The following DCC variants were observed in gnomAD, a reference collection of about 807,000 sequenced individuals.
The protein encoded by DCC is DCC netrin 1 receptor.
A neutral mutation model predicts 172.5 loss-of-function variants in DCC; 58 were observed. That is an observed-to-expected ratio of 0.34 (90% CI 0.27 to 0.42). DCC has a LOEUF of 0.42. DCC is among the 10% of genes least tolerant of loss of function. The pLI is 1.00. For missense variants in DCC, 1,740 were observed against 1,791.0 expected, an observed-to-expected ratio of 0.97 and a Z score of 0.51; for synonymous variants, 709 against 644.5, an observed-to-expected ratio of 1.10 and a Z score of -1.52.
chr18:53,102,465 G>A (rs1005677167), intron 7 of DCC, among the ~76,000 whole-genome samples: 1 of 152,056 alleles, frequency 6.6e-6, no homozygotes, highest in African/African-American at 2.4e-5. Flanking sequence ...CTGCAAGGGT[G>A]TCTATATTAT....
intron 21 of DCC, among the ~76,000 whole-genome samples, chr18:53,424,491 C>G (rs1046759495): frequency 4.6e-5 from 7 of 152,112 alleles, no homozygotes; most frequent in African/African-American, 1.7e-4. Context: ...ATGAAAAATA[C>G]AAAATGCCAA....
intron 2 of DCC, among the ~76,000 whole-genome samples, chr18:52,874,501 G>T (rs1417601876): frequency 2.0e-5 from 3 of 151,958 alleles, no homozygotes; most frequent in Non-Finnish European, 2.9e-5. Flanking sequence ...TTATTCTCAG[G>T]CTTTATACTT....
At chr18:52,499,441 C>A (rs2030937115) in intron 1 of DCC, among the ~76,000 whole-genome samples, 1 of 152,118 alleles carries the variant, frequency 6.6e-6, no homozygotes, top group Admixed American at 6.6e-5. Flanking sequence ...TAGTATCAGG[C>A]ACTTAGAAGT....
At chr18:52,398,956 A>G (rs770819568) in intron 1 of DCC, among the ~76,000 whole-genome samples, 18 of 151,992 alleles carry the variant, frequency 1.2e-4, no homozygotes, top group Non-Finnish European at 1.9e-4. Flanking sequence ...TCAAAAACCT[A>G]TGGAAATAAA....
At chr18:52,899,196 C>G (rs1240863587) in intron 2 of DCC, among the ~76,000 whole-genome samples, 1 of 152,072 alleles carries the variant, frequency 6.6e-6, no homozygotes. Context: ...GCCACCCAGG[C>G]TGGAGTGCAG....
At position 52,789,067 on chromosome 18, in the gene DCC, C is replaced by T. The variant is rs186547500; in HGVS notation, c.412+36693C>T. On this transcript the variant is annotated intron_variant, in intron 2 of 28. Coordinates refer to ENST00000442544, the MANE Select transcript of DCC (RefSeq NM_005215.4). ...AGAGTTAACTATCCTTCCGTAACTA[C>T]GATTAGACATCCCTTAAAGTATGTT... Among the ~76,000 whole-genome samples the T allele has an allele frequency of 6.8e-4, 104 of 152,178 alleles. 2 individuals are homozygous for T. Among genetic ancestry groups the T allele is most frequent in the Admixed American group, 4.2e-3 (64 of 15,276 alleles).
chr18:53,085,640 G>C (rs56291441), intron 7 of DCC, among the ~76,000 whole-genome samples: 1 of 151,832 alleles, frequency 6.6e-6, no homozygotes, highest in Non-Finnish European at 1.5e-5. Context: ...CTATGTTACA[G>C]GGCTGACTTC....
At chr18:53,100,909 C>T (rs1445454412) in intron 7 of DCC, among the ~76,000 whole-genome samples, 1 of 152,098 alleles carries the variant, frequency 6.6e-6, no homozygotes, top group Non-Finnish European at 1.5e-5. Flanking sequence ...AAGATAACCA[C>T]ACAGAGCATA....
chr18:53,118,526 T>C (rs978726402), intron 7 of DCC, among the ~76,000 whole-genome samples: 13 of 151,786 alleles, frequency 8.6e-5, no homozygotes, highest in African/African-American at 2.4e-4. Flanking sequence ...CCAACACTTA[T>C]ATTCATTCCT....
chr18:52,466,024 T>C (rs1418029110), intron 1 of DCC, among the ~76,000 whole-genome samples: 1 of 152,202 alleles, frequency 6.6e-6, no homozygotes, highest in Non-Finnish European at 1.5e-5. Flanking sequence ...AGTTCAATGC[T>C]GGTTGATAAA....
At chr18:52,986,532 CTCT>C (rs905697156) in intron 5 of DCC, among the ~76,000 whole-genome samples, 13 of 152,092 alleles carry the variant, frequency 8.5e-5, no homozygotes, top group South Asian at 6.2e-4. Context: ...AAATATGTTC[CTCT>C]TCTTCTTCTC....
intron 15 of DCC, among the ~76,000 whole-genome samples, chr18:53,379,071 T>C (rs896778506): frequency 6.6e-6 from 1 of 152,196 alleles, no homozygotes; most frequent in African/African-American, 2.4e-5. Flanking sequence ...CTACATTTAA[T>C]TAAACAGTTT....
Position 52,778,423 on chromosome 18 carries a change from C to T in DCC, c.412+26049C>T, listed in dbSNP as rs114723350. Among the ~76,000 whole-genome samples, 1,120 of 152,024 alleles carry T rather than the reference C, an allele frequency of 7.4e-3. 14 individuals carry two copies. The highest frequency in any genetic ancestry group is 0.025 in the African/African-American group (1,056 of 41,476). On this transcript the variant is annotated intron_variant, in intron 2 of 28. Transcript: ENST00000442544. ...TATTTCACTATTAAACTCTGTGAAC[C>T]GTTAACATTTTTTTCCAGGCATTGG...
chr18:53,378,987 G>T (rs17504520), intron 15 of DCC, among the ~76,000 whole-genome samples: 65,398 of 152,134 alleles, frequency 0.43, 15,495 homozygotes, highest in Non-Finnish European at 0.54. Context: ...TTATACAAAT[G>T]GCATCTTTCT....
chr18:53,167,774 A>G (rs1367986918), intron 8 of DCC, among the ~76,000 whole-genome samples: 1 of 152,200 alleles, frequency 6.6e-6, no homozygotes, highest in Non-Finnish European at 1.5e-5. Context: ...TACATAATAC[A>G]CTAGATGTAT....
chr18:52,898,702 T>A (rs2039768362), intron 2 of DCC, among the ~76,000 whole-genome samples: 1 of 113,598 alleles, frequency 8.8e-6, no homozygotes, highest in Non-Finnish European at 1.9e-5. Context: ...TTTACCTCAT[T>A]TTTTTTTTTT....
intron 1 of DCC, among the ~76,000 whole-genome samples, chr18:52,610,161 A>T (rs1568253955): frequency 1.3e-4 from 2 of 15,276 alleles, no homozygotes; most frequent in Non-Finnish European, 2.1e-4. Context: ...TAAAAAAAAA[A>T]AAAAAAAAAA....
intron 9 of DCC, among the ~76,000 whole-genome samples, chr18:53,184,002 TAAAAAAAAA>T (rs201337705): frequency 7.2e-6 from 1 of 138,440 alleles, no homozygotes; most frequent in African/African-American, 2.6e-5. Flanking sequence ...GCATCTCATT[TAAAAAAAAA>T]AAAAAAAAAA....
chr18:52,790,127 T>C (rs1476650607), intron 2 of DCC, among the ~76,000 whole-genome samples: 1 of 152,096 alleles, frequency 6.6e-6, no homozygotes, highest in African/African-American at 2.4e-5. Context: ...CACTGTAAAA[T>C]GGTGGAGACT....
Sources: gnomAD v4.1 joint callset for allele counts (sites outside exome capture counted in the v4.1 genomes callset) on GRCh38, gnomAD v4.1.1 for gene constraint, MANE v1.5 for transcripts, NCBI Gene and HGNC (gene_info 2026-07-23, HGNC 2026-07-21) for gene names.